GPR137B: variants seen among roughly 807,000 people sequenced by gnomAD.
GPR137B encodes the protein G protein-coupled receptor 137B, also known as integral membrane protein GPR137B.
GPR137B carries 42 observed loss-of-function variants against 42.5 expected under a neutral mutation model. The observed-to-expected ratio is 0.99, with a 90% CI of 0.77 to 1.28. The LOEUF is 1.28. GPR137B is among the 50% of genes most tolerant of loss of function. The pLI, the probability that GPR137B is intolerant of heterozygous loss-of-function variation, is 0.00. For missense variants in GPR137B, 487 were observed against 493.9 expected (o/e 0.99, Z 0.13); for synonymous variants, 218 against 209.7 (o/e 1.04, Z -0.34).
At chr1:236,164,734 G>A (rs748225624) in intron 1 of GPR137B, among the ~76,000 whole-genome samples, 1 of 152,080 alleles carries the variant, frequency 6.6e-6, no homozygotes, top group Non-Finnish European at 1.5e-5. Context: ...TATATAATAA[G>A]TTATATAGAT....
intron 1 of GPR137B, among the ~76,000 whole-genome samples, chr1:236,149,908 C>T (rs1021976168): frequency 1.3e-5 from 2 of 151,432 alleles, no homozygotes; most frequent in African/African-American, 4.9e-5. Context: ...ACATGTGTGC[C>T]TGTGCACGTG....
intron 6 of GPR137B, among the ~76,000 whole-genome samples, chr1:236,206,929 G>A (rs939887157): frequency 5.9e-5 from 9 of 152,202 alleles, no homozygotes. Flanking sequence ...CTGTTCCTGG[G>A]AAAGGGGAGC....
At chr1:236,173,214 C>T (rs563939935) in intron 2 of GPR137B, among the ~76,000 whole-genome samples, 1 of 150,512 alleles carries the variant, frequency 6.6e-6, no homozygotes, top group African/African-American at 2.4e-5. Context: ...TCGCTTGAGC[C>T]TAGGAGGTTG....
intron 5 of GPR137B, 88 bp downstream of exon 5, chr1:236,183,994 AAG>A: frequency 1.2e-6 from 1 of 865,600 alleles, no homozygotes; most frequent in South Asian, 1.8e-5. Flanking sequence ...CATTTTTCAG[AAG>A]AGAGCCTCTT....
intron 1 of GPR137B, among the ~76,000 whole-genome samples, chr1:236,144,387 G>T (rs747754493): frequency 2.6e-5 from 4 of 151,864 alleles, no homozygotes; most frequent in Admixed American, 6.6e-5. Flanking sequence ...TCCAGCCTGG[G>T]TGACAGAGCT....
chr1:236,142,761 G>A lies in GPR137B; in HGVS notation c.139G>A (p.Val47Ile), dbSNP rs1398770160. ...CCCCTACGTGAAGCTTGGCCTCACC[G>A]TCGTCTACACCGTGTTCTACGCGCT... The part of the protein sequence containing the change: ...VPPYVKLGLT[V>I]VYTVFYALLF... The change falls in exon 1 of 7, where the codon GTC (valine) becomes ATC (isoleucine). Residue 47 changes from valine (V) to isoleucine (I), a missense_variant. Val to Ile is a conservative substitution (Grantham distance 29). Transcript: ENST00000366592. 1.2e-6 allele frequency: 2 copies of A among 1,613,162 alleles called. No homozygotes were observed. Among genetic ancestry groups the A allele is most frequent in the South Asian group, 1.1e-5 (1 of 91,080 alleles).
At chr1:236,153,776 C>T (rs1281752132) in intron 1 of GPR137B, among the ~76,000 whole-genome samples, 4 of 152,212 alleles carry the variant, frequency 2.6e-5, no homozygotes, top group Non-Finnish European at 5.9e-5. Flanking sequence ...TTAATTCATT[C>T]CTTCATCTCT....
At position 236,144,233 on chromosome 1, in the gene GPR137B, G is replaced by T. The variant is rs185036327; in HGVS notation, c.414+1197G>T. ...AGTTTGAGACCGGCCTGGGCAACAT[G>T]GCGAAACTTCCTCTCTACAAAATGT... is the stretch of plus-strand genomic sequence containing the variant. On this transcript the variant is annotated intron_variant, in intron 1 of 6. Transcript: ENST00000366592. Among the ~76,000 whole-genome samples, 662 of 152,258 alleles carry T rather than the reference G, an allele frequency of 4.3e-3. 1 individual carries two copies. The highest frequency in any genetic ancestry group is 7.4e-3 in the Non-Finnish European group (501 of 68,036).
In GPR137B at chr1:236,208,353, T is replaced by C; in HGVS notation, c.*195T>C. On this transcript the variant is annotated 3_prime_UTR_variant, in exon 7 of 7. Coordinates refer to ENST00000366592, the MANE Select transcript of GPR137B (RefSeq NM_003272.4). ...TTATTTTAGTACTAAAGAGGGAGCC[T>C]TGCTATTTCAGTGGGTATAATTTAA... is the stretch of plus-strand genomic sequence containing the variant. 4.7e-6 allele frequency: 6 copies of C among 1,271,742 alleles called. No homozygotes were observed. Among genetic ancestry groups the C allele is most frequent in the Non-Finnish European group, 6.0e-6 (6 of 998,276 alleles). The allele number at this position is 1,271,742 out of a possible 1,614,324, so 78.8% of individuals were successfully genotyped here. A position where few individuals can be genotyped will look rare whatever the true frequency, so the allele number is the denominator to read the frequency against.
At chr1:236,183,634 G>T in intron 4 of GPR137B, 144 bp from the exon 5 acceptor site, 1 of 536,758 alleles carries the variant, frequency 1.9e-6, no homozygotes, top group African/African-American at 1.9e-5. Flanking sequence ...TATTAATATA[G>T]TATATTCGGT....
At chr1:236,148,572 C>T (rs1240229055) in intron 1 of GPR137B, among the ~76,000 whole-genome samples, 1 of 152,162 alleles carries the variant, frequency 6.6e-6, no homozygotes, top group Non-Finnish European at 1.5e-5. Context: ...GAACTGAGAC[C>T]TGAGACGTCA....
intron 2 of GPR137B, among the ~76,000 whole-genome samples, chr1:236,173,400 AAGAGAGAG>A (rs957785690): frequency 9.7e-6 from 1 of 102,690 alleles, no homozygotes; most frequent in African/African-American, 5.1e-5. Context: ...CAGGTAGGGA[AAGAGAGAG>A]AGAGAGAGAG....
At chr1:236,185,547 A>G (rs1341842490) in intron 5 of GPR137B, among the ~76,000 whole-genome samples, 1 of 152,130 alleles carries the variant, frequency 6.6e-6, no homozygotes, top group Non-Finnish European at 1.5e-5. Flanking sequence ...AAGTTTGAGA[A>G]TCTCTGTCCT....
chr1:236,208,364 G>C lies in GPR137B; in HGVS notation c.*206G>C, dbSNP rs1663727734. The C allele has an allele frequency of 8.2e-7, 1 of 1,224,058 alleles. No homozygotes were observed. Among genetic ancestry groups the C allele is most frequent in the East Asian group, 2.8e-5 (1 of 35,308 alleles). 75.8% of individuals were successfully genotyped at this position (1,224,058 alleles called of 1,614,324 possible). A position where few individuals can be genotyped will look rare whatever the true frequency, so the allele number is the denominator to read the frequency against. On this transcript the variant is annotated 3_prime_UTR_variant, in exon 7 of 7. Coordinates refer to ENST00000366592, the MANE Select transcript of GPR137B (RefSeq NM_003272.4). ...CTAAAGAGGGAGCCTTGCTATTTCA[G>C]TGGGTATAATTTAAACTTTTTAAAG...
At chr1:236,204,108 T>A (rs1663580073) in intron 5 of GPR137B, among the ~76,000 whole-genome samples, 1 of 152,212 alleles carries the variant, frequency 6.6e-6, no homozygotes, top group Non-Finnish European at 1.5e-5. Context: ...GTTTGAGGGT[T>A]TTTATCATGA....
At chr1:236,158,594 A>G (rs538144344) in intron 1 of GPR137B, among the ~76,000 whole-genome samples, 1 of 152,354 alleles carries the variant, frequency 6.6e-6, no homozygotes, top group East Asian at 1.9e-4. Context: ...ATTTGCATAC[A>G]TACGTTTTGA....
chr1:236,153,355 A>G lies in GPR137B; in HGVS notation c.414+10319A>G, dbSNP rs181967529. On this transcript the variant is annotated intron_variant, in intron 1 of 6. Transcript: ENST00000366592. ...CAGATTTACCTATCCTTAATATTTC[A>G]TATCAAAGGAATCATACAATGTGTA... Among the ~76,000 whole-genome samples, 889 of 152,340 alleles carry G rather than the reference A, an allele frequency of 5.8e-3. 4 individuals carry two copies. Among genetic ancestry groups the G allele is most frequent in the Non-Finnish European group, 9.2e-3 (627 of 68,032 alleles).
chr1:236,182,761 TA>T (rs1234415636), intron 4 of GPR137B, among the ~76,000 whole-genome samples: 1 of 151,864 alleles, frequency 6.6e-6, no homozygotes, highest in Non-Finnish European at 1.5e-5. Flanking sequence ...AATATATATA[TA>T]AAATTTATAA....
intron 1 of GPR137B, among the ~76,000 whole-genome samples, chr1:236,164,875 C>A (rs1662303426): frequency 6.8e-6 from 1 of 146,656 alleles, no homozygotes; most frequent in African/African-American, 2.5e-5. Flanking sequence ...GAATAGTGCC[C>A]AGATGAATTC....
Sources: gnomAD v4.1 joint callset for allele counts (sites outside exome capture counted in the v4.1 genomes callset) on GRCh38, gnomAD v4.1.1 for gene constraint, MANE v1.5 for transcripts, NCBI Gene and HGNC (gene_info 2026-07-23, HGNC 2026-07-21) for gene names.